ORC5: variants seen among roughly 807,000 people sequenced by gnomAD.
ORC5 encodes the protein protein phosphatase 1, regulatory subunit 117.
ORC5 carries 39 observed loss-of-function variants against 58.8 expected under a neutral mutation model. That is an observed-to-expected ratio of 0.66 (90% CI 0.51 to 0.87). The LOEUF (loss-of-function observed/expected upper bound fraction) is 0.87. Ranked by LOEUF, ORC5 falls within the 40% of genes least tolerant of loss-of-function variation. The probability of loss-of-function intolerance (pLI) is 0.00; values close to 1 mark genes in which losing one functional copy is unlikely to be tolerated. For synonymous variants in ORC5, 218 were observed against 177.6 expected (o/e 1.23, Z -1.81); for missense variants, 493 against 506.3 (o/e 0.97, Z 0.25).
intron 12 of ORC5, among the ~76,000 whole-genome samples, chr7:104,157,492 T>C (rs1161606115): frequency 6.6e-6 from 1 of 152,044 alleles, no homozygotes; most frequent in East Asian, 1.9e-4. Context: ...ACTACAATTG[T>C]CAAGTTTGAA....
intron 5 of ORC5, among the ~76,000 whole-genome samples, chr7:104,189,173 A>G (rs1360859896): frequency 6.6e-6 from 1 of 152,130 alleles, no homozygotes. Context: ...ATACACTGCT[A>G]TGAAGAAATA....
chr7:104,176,138 G>C (rs969575507), intron 8 of ORC5, among the ~76,000 whole-genome samples: 3 of 152,176 alleles, frequency 2.0e-5, no homozygotes, highest in Non-Finnish European at 2.9e-5. Context: ...AAACTGGTGT[G>C]TATATGTGTT....
intron 8 of ORC5, among the ~76,000 whole-genome samples, chr7:104,179,655 T>G (rs887071231): frequency 7.9e-5 from 12 of 152,170 alleles, no homozygotes; most frequent in East Asian, 1.9e-4. Flanking sequence ...TTTTGTTGTT[T>G]TTTTTTTCTG....
intron 3 of ORC5, among the ~76,000 whole-genome samples, chr7:104,200,203 T>C (rs1799905396): frequency 6.6e-6 from 1 of 152,226 alleles, no homozygotes; most frequent in African/African-American, 2.4e-5. Context: ...GGCATATTTG[T>C]TGCTCTAAAG....
At chr7:104,179,014 T>G (rs1239535947) in intron 8 of ORC5, among the ~76,000 whole-genome samples, 1 of 151,914 alleles carries the variant, frequency 6.6e-6, no homozygotes, top group South Asian at 2.1e-4. Flanking sequence ...AACAGAAACA[T>G]GACAGAAAGG....
intron 5 of ORC5, among the ~76,000 whole-genome samples, chr7:104,194,834 A>C (rs1256261307): frequency 1.3e-5 from 2 of 151,798 alleles, no homozygotes; most frequent in African/African-American, 2.4e-5. Flanking sequence ...AAAATGTAGT[A>C]ATTATACAAT....
At chr7:104,162,664 T>C (rs1799043937) in intron 11 of ORC5, among the ~76,000 whole-genome samples, 2 of 152,182 alleles carry the variant, frequency 1.3e-5, no homozygotes, top group African/African-American at 2.4e-5. Flanking sequence ...ACTTCAAATA[T>C]ATAAAAGAGT....
chr7:104,150,245 C>A (rs1430355677), intron 12 of ORC5, among the ~76,000 whole-genome samples: 1 of 152,114 alleles, frequency 6.6e-6, no homozygotes, highest in Non-Finnish European at 1.5e-5. Flanking sequence ...GTTATATGTC[C>A]ATTGACTTAA....
intron 8 of ORC5, among the ~76,000 whole-genome samples, chr7:104,178,964 G>A (rs1387475542): frequency 6.6e-6 from 1 of 152,046 alleles, no homozygotes; most frequent in Non-Finnish European, 1.5e-5. Context: ...TCAAAATTCT[G>A]AAGGTTATTT....
chr7:104,151,013 T>C (rs1482376308), intron 12 of ORC5, among the ~76,000 whole-genome samples: 1 of 152,038 alleles, frequency 6.6e-6, no homozygotes, highest in East Asian at 1.9e-4. Flanking sequence ...GAGAGCTCGA[T>C]AGTTGTAAGG....
intron 6 of ORC5, chr7:104,187,711 C>T (rs548364010): frequency 2.2e-6 from 2 of 929,058 alleles, no homozygotes; most frequent in African/African-American, 1.8e-5. Flanking sequence ...AACAGCTATT[C>T]TAATTGTTAA....
chr7:104,134,842 A>G (rs1260615599), intron 13 of ORC5, among the ~76,000 whole-genome samples: 1 of 152,174 alleles, frequency 6.6e-6, no homozygotes, highest in Non-Finnish European at 1.5e-5. Context: ...AAAGAAGTAC[A>G]AAACACAGGG....
chr7:104,206,403 T>G (rs988134643), intron 1 of ORC5, among the ~76,000 whole-genome samples: 1 of 152,212 alleles, frequency 6.6e-6, no homozygotes, highest in African/African-American at 2.4e-5. Context: ...AAAACTCTTC[T>G]GTGATCCACC....
intron 1 of ORC5, 145 bp from the exon 2 acceptor site, chr7:104,204,379 C>A (rs1400740956): frequency 8.5e-6 from 5 of 590,152 alleles, no homozygotes; most frequent in Non-Finnish European, 1.5e-5. Flanking sequence ...CATCAACACA[C>A]TTTGAACCTA....
intron 2 of ORC5, among the ~76,000 whole-genome samples, chr7:104,201,628 A>G (rs778716557): frequency 3.9e-5 from 3 of 77,462 alleles, no homozygotes; most frequent in African/African-American, 1.8e-4. Context: ...TGTCACTATT[A>G]AAAAAAAAAA....
rs1799639893 is a variant in ORC5, at chr7:104,190,079, C to A, written c.554-1698G>T. Among the ~76,000 whole-genome samples, 4 of 152,130 alleles carry A rather than the reference C, an allele frequency of 2.6e-5. No individual in the cohort carries two copies. In the South Asian group the frequency reaches 8.3e-4, roughly 32 times the overall value. On this transcript the variant is annotated intron_variant, in intron 5 of 13. Coordinates refer to ENST00000297431, the MANE Select transcript of ORC5 (RefSeq NM_002553.4). ...TTGTTGGGTGAACAAAAATACCCCA[C>A]ACATTTGGTGTCAGAAGTGTTTTGA... is the stretch of plus-strand genomic sequence containing the variant.
intron 8 of ORC5, 84 bp downstream of exon 8, chr7:104,183,859 C>G (rs1476997426): frequency 1.1e-6 from 1 of 888,326 alleles, no homozygotes; most frequent in Non-Finnish European, 1.8e-6. Flanking sequence ...CTTTTAGAGT[C>G]CCTCTCTCTG....
chr7:104,144,573 G>A (rs1332606435), intron 12 of ORC5, among the ~76,000 whole-genome samples: 4 of 152,076 alleles, frequency 2.6e-5, no homozygotes, highest in African/African-American at 7.2e-5. Context: ...CTGGCCAACA[G>A]GGCAAAAACC....
chr7:104,185,995 T>C (rs1454141049), intron 6 of ORC5, among the ~76,000 whole-genome samples: 1 of 152,114 alleles, frequency 6.6e-6, no homozygotes, highest in Admixed American at 6.5e-5. Flanking sequence ...ATCTTCCAAA[T>C]TCTACTAAGT....
Sources: allele counts gnomAD v4.1 joint callset (sites outside exome capture counted in the v4.1 genomes callset), GRCh38; gene constraint gnomAD v4.1.1; transcripts MANE v1.5; gene names NCBI Gene and HGNC (gene_info 2026-07-23, HGNC 2026-07-21).